Variants in UCHL3 observed in about 807,000 individuals in gnomAD.
UCHL3 encodes ubiquitin C-terminal hydrolase L3.
UCHL3 carries 22 observed loss-of-function variants against 35.8 expected under a neutral mutation model. The observed-to-expected ratio is 0.61, with a 90% CI of 0.44 to 0.88. The LOEUF (loss-of-function observed/expected upper bound fraction) is 0.88, where lower values mean the gene tolerates loss of function less well. Ranked by LOEUF, UCHL3 falls within the 40% of genes least tolerant of loss-of-function variation. The probability of loss-of-function intolerance (pLI) is 0.00; values close to 1 mark genes in which losing one functional copy is unlikely to be tolerated. For missense variants in UCHL3, 229 were observed against 276.9 expected (o/e 0.83, Z 1.23); for synonymous variants, 90 against 92.8 (o/e 0.97, Z 0.17).
At chr13:75,560,140 T>G (rs1465506975) in intron 2 of UCHL3, among the ~76,000 whole-genome samples, 3 of 152,212 alleles carry the variant, frequency 2.0e-5, no homozygotes, top group Admixed American at 6.5e-5. Flanking sequence ...ATTTTTGGCT[T>G]ATATTACTCT....
chr13:75,605,490 A>G (rs2032914679), intron 8 of UCHL3, among the ~76,000 whole-genome samples: 1 of 152,186 alleles, frequency 6.6e-6, no homozygotes, highest in African/African-American at 2.4e-5. Context: ...CCTGGGTGAC[A>G]GAGGGCAAGA....
chr13:75,599,553 C>T (rs965772885), intron 7 of UCHL3, among the ~76,000 whole-genome samples: 19 of 152,092 alleles, frequency 1.2e-4, no homozygotes, highest in Non-Finnish European at 4.4e-5. Flanking sequence ...ACATTTCAAA[C>T]GTTTTATTAT....
At chr13:75,599,207 T>C (rs1039239220) in intron 7 of UCHL3, among the ~76,000 whole-genome samples, 5 of 150,648 alleles carry the variant, frequency 3.3e-5, no homozygotes, top group African/African-American at 9.7e-5. Flanking sequence ...CTGGGCTCAA[T>C]TGATCCTCCT....
chr13:75,592,456 A>ATATATGTATATATG (rs1358942971), intron 6 of UCHL3, among the ~76,000 whole-genome samples: 25 of 119,048 alleles, frequency 2.1e-4, no homozygotes, highest in South Asian at 7.9e-4. Context: ...ATATATATAT[A>ATATATGTATATATG]TATATATATA....
intron 6 of UCHL3, among the ~76,000 whole-genome samples, chr13:75,579,633 T>C (rs2032124382): frequency 6.6e-6 from 1 of 152,098 alleles, no homozygotes; most frequent in African/African-American, 2.4e-5. Context: ...AATGGAGATA[T>C]TAAATTATTA....
Position 75,605,796 on chromosome 13 carries a change from C to A in UCHL3, c.677C>A (p.Ala226Asp). Residue 226 changes from alanine to aspartate, a missense_variant, in exon 9 of 9, where the codon GCT becomes GAT. Coordinates refer to ENST00000377595, the MANE Select transcript of UCHL3 (RefSeq NM_006002.5). ...GATGAACTAAGATTTAATGCGATTGCTCTTTCTGCAGCATAGCTTGTCAAT... is the reference window on the plus strand; with the variant it reads ...GATGAACTAAGATTTAATGCGATTGATCTTTCTGCAGCATAGCTTGTCAAT... ...DPDELRFNAI[A>D]LSAA is the part of the protein sequence containing the mutation. The A allele has an allele frequency of 6.2e-7, 1 of 1,613,900 alleles. No individual in the cohort carries two copies. The highest frequency in any genetic ancestry group is 8.5e-7 in the Non-Finnish European group (1 of 1,179,964).
Position 75,549,871 on chromosome 13 carries a change from G to C in UCHL3, c.42+9G>C, listed in dbSNP as rs750473410. The stretch of plus-strand genomic sequence containing the variant: ...TGGAGGCCAATCCCGAGGTGGGCGC[G>C]CTTCGGGGCAGCCCTGGGCCGTGGG... On this transcript the variant is annotated intron_variant, in intron 1 of 8. Coordinates refer to ENST00000377595, the MANE Select transcript of UCHL3 (RefSeq NM_006002.5). The C allele has an allele frequency of 1.4e-5, 22 of 1,609,760 alleles. No individual in the cohort carries two copies. The highest frequency in any genetic ancestry group is 1.8e-5 in the Non-Finnish European group (21 of 1,177,628).
At chr13:75,576,909 G>A (rs753987595) in intron 6 of UCHL3, among the ~76,000 whole-genome samples, 13 of 152,124 alleles carry the variant, frequency 8.5e-5, no homozygotes, top group South Asian at 4.1e-4. Context: ...CAGTTGGCCC[G>A]CTGTAATGGT....
intron 6 of UCHL3, among the ~76,000 whole-genome samples, chr13:75,575,552 C>A (rs1387468771): frequency 2.6e-5 from 4 of 152,102 alleles, no homozygotes; most frequent in Non-Finnish European, 4.4e-5. Flanking sequence ...CCAGTACCAG[C>A]CCTATGAGGT....
chr13:75,603,690 CATTTT>C (rs1391701245), intron 7 of UCHL3, among the ~76,000 whole-genome samples: 1 of 147,802 alleles, frequency 6.8e-6, no homozygotes, highest in Non-Finnish European at 1.5e-5. Flanking sequence ...TTTAAGAAGA[CATTTT>C]ATGATATATT....
intron 3 of UCHL3, among the ~76,000 whole-genome samples, chr13:75,565,803 C>CT: frequency 6.6e-6 from 1 of 152,208 alleles, no homozygotes; most frequent in East Asian, 1.9e-4. Context: ...ATTTTTTAAC[C>CT]TTTTTGCTAT....
intron 6 of UCHL3, among the ~76,000 whole-genome samples, chr13:75,570,818 G>T (rs1405734568): frequency 6.6e-6 from 1 of 152,064 alleles, no homozygotes; most frequent in East Asian, 1.9e-4. Flanking sequence ...AGGCTGAGGT[G>T]GGAGGATTAC....
At chr13:75,599,583 G>A (rs7339146) in intron 7 of UCHL3, among the ~76,000 whole-genome samples, 28,879 of 152,010 alleles carry the variant, frequency 0.19, 3,353 homozygotes, top group Admixed American at 0.29. Context: ...TATGGTATCT[G>A]TGATCAGTGA....
intron 5 of UCHL3, among the ~76,000 whole-genome samples, chr13:75,568,461 A>AT (rs886630166): frequency 6.6e-6 from 1 of 151,534 alleles, no homozygotes; most frequent in Non-Finnish European, 1.5e-5. Context: ...AAACATTAAT[A>AT]TTTTTTAGGG....
At chr13:75,549,940 T>C in intron 1 of UCHL3, 36 bp from the exon 2 acceptor site, 1 of 1,614,146 alleles carries the variant, frequency 6.2e-7, no homozygotes, top group East Asian at 2.2e-5. Flanking sequence ...TCCACGGTGG[T>C]TTGTCTCTAA....
intron 6 of UCHL3, among the ~76,000 whole-genome samples, chr13:75,573,983 C>A (rs770805908): frequency 6.6e-6 from 1 of 152,116 alleles, no homozygotes; most frequent in Non-Finnish European, 1.5e-5. Flanking sequence ...TTTGGGAGGC[C>A]GAGGCGGGCA....
chr13:75,586,613 A>G (rs1160164871), intron 6 of UCHL3, among the ~76,000 whole-genome samples: 1 of 152,032 alleles, frequency 6.6e-6, no homozygotes, highest in African/African-American at 2.4e-5. Context: ...AGGATAGACC[A>G]TATTCTGGAT....
At chr13:75,564,275 C>G (rs556604090) in intron 3 of UCHL3, among the ~76,000 whole-genome samples, 1 of 151,922 alleles carries the variant, frequency 6.6e-6, no homozygotes, top group Admixed American at 6.6e-5. Context: ...CTCAGCCTCC[C>G]GAGTAGCTGG....
intron 3 of UCHL3, among the ~76,000 whole-genome samples, chr13:75,563,111 G>T (rs996879799): frequency 1.3e-5 from 2 of 150,582 alleles, no homozygotes; most frequent in African/African-American, 4.9e-5. Flanking sequence ...AACTGTCATG[G>T]GTACCTCATT....
Sources: gnomAD v4.1 joint callset for allele counts (sites outside exome capture counted in the v4.1 genomes callset) on GRCh38, gnomAD v4.1.1 for gene constraint, MANE v1.5 for transcripts, NCBI Gene and HGNC (gene_info 2026-07-23, HGNC 2026-07-21) for gene names.